NBAS: variants seen among roughly 807,000 people sequenced by gnomAD.
NBAS encodes NAG/BC035112 fusion.
NBAS carries 219 observed loss-of-function variants against 302.5 expected under a neutral mutation model. That is an observed-to-expected ratio of 0.72 (90% confidence interval 0.65 to 0.81). The LOEUF (loss-of-function observed/expected upper bound fraction) is 0.81. Among genes scored for constraint, NBAS ranks in the 30% least tolerant of loss-of-function variants. NBAS has a pLI of 0.00. For missense variants in NBAS, 2,932 were observed against 2,841.6 expected (o/e 1.03, Z -0.72); for synonymous variants, 1,118 against 1,021.6 (o/e 1.09, Z -1.80).
intron 41 of NBAS, among the ~76,000 whole-genome samples, chr2:15,288,808 G>A (rs1021876700): frequency 1.2e-4 from 18 of 152,190 alleles, no homozygotes; most frequent in Non-Finnish European, 1.8e-4. Flanking sequence ...CCCAAGCTAA[G>A]GAAACCATGC....
chr2:14,973,779 TAA>T, the NBAS span, among the ~76,000 whole-genome samples: 1 of 152,224 alleles, frequency 6.6e-6, no homozygotes, highest in Non-Finnish European at 1.5e-5. Context: ...CCTGTTTCTG[TAA>T]AGTTTTTCAG....
At chr2:15,500,792 C>T (rs1164551408) in intron 11 of NBAS, among the ~76,000 whole-genome samples, 4 of 151,486 alleles carry the variant, frequency 2.6e-5, no homozygotes, top group Non-Finnish European at 1.5e-5. Flanking sequence ...GGCGTGGGGG[C>T]GGGTACCTGT....
intron 25 of NBAS, among the ~76,000 whole-genome samples, chr2:15,413,678 C>G (rs141480062): frequency 1.3e-5 from 2 of 152,254 alleles, no homozygotes; most frequent in East Asian, 3.9e-4. Flanking sequence ...AGGAAGCAGA[C>G]AGCAAAGAAC....
the NBAS span, among the ~76,000 whole-genome samples, chr2:14,780,666 T>G: frequency 6.6e-6 from 1 of 152,364 alleles, no homozygotes. Flanking sequence ...ATTCTGTTTT[T>G]GTCTCCCAGA....
At chr2:15,256,110 G>A (rs1572537530) in intron 44 of NBAS, among the ~76,000 whole-genome samples, 1 of 152,130 alleles carries the variant, frequency 6.6e-6, no homozygotes, top group East Asian at 1.9e-4. Context: ...GTATTTTGGT[G>A]GGAATTGTAT....
the NBAS span, among the ~76,000 whole-genome samples, chr2:15,136,600 C>A: frequency 6.6e-6 from 1 of 152,282 alleles, no homozygotes; most frequent in Admixed American, 6.5e-5. Flanking sequence ...GAAGTCCTTA[C>A]CCCCCTGGTG....
Position 15,353,544 on chromosome 2 carries a change from A to C in NBAS, c.4089+9T>G. 6.2e-7 allele frequency: 1 copy of C among 1,613,966 alleles called. No homozygotes were observed. The highest frequency in any genetic ancestry group is 8.5e-7 in the Non-Finnish European group (1 of 1,179,900). On this transcript the variant is annotated intron_variant, in intron 34 of 51. Coordinates refer to ENST00000281513, the MANE Select transcript of NBAS (RefSeq NM_015909.4). Reference sequence around the variant, plus strand: ...TACAGGTTAGGATTTCCTTTATCGAAGGACTTACTTCTGTCTGCAGAGAGC... The same window carrying C: ...TACAGGTTAGGATTTCCTTTATCGACGGACTTACTTCTGTCTGCAGAGAGC...
At chr2:15,032,148 G>C in the NBAS span, among the ~76,000 whole-genome samples, 1 of 152,200 alleles carries the variant, frequency 6.6e-6, no homozygotes, top group Non-Finnish European at 1.5e-5. Context: ...ACTCCACCTT[G>C]CTATGGACTA....
chr2:15,071,197 A>G, the NBAS span, among the ~76,000 whole-genome samples: 22,149 of 152,194 alleles, frequency 0.15, 1,787 homozygotes, highest in East Asian at 0.31. Context: ...GAAACCAGTG[A>G]TTCTCAACAG....
the NBAS span, among the ~76,000 whole-genome samples, chr2:15,070,436 C>T: frequency 6.6e-6 from 1 of 152,144 alleles, no homozygotes; most frequent in Non-Finnish European, 1.5e-5. Context: ...CAGTGAAAAT[C>T]AAAGTAACTG....
At chr2:14,910,840 G>A in the NBAS span, among the ~76,000 whole-genome samples, 3 of 152,286 alleles carry the variant, frequency 2.0e-5, no homozygotes, top group Admixed American at 2.0e-4. Context: ...CATTTGAGAA[G>A]GCAGGCTTTC....
chr2:15,002,596 C>A, the NBAS span, among the ~76,000 whole-genome samples: 2 of 152,212 alleles, frequency 1.3e-5, no homozygotes, highest in Admixed American at 1.3e-4. Context: ...GTGGCACTCA[C>A]TGGGGAGGCT....
chr2:14,965,430 A>C, the NBAS span, among the ~76,000 whole-genome samples: 2 of 152,230 alleles, frequency 1.3e-5, no homozygotes. Context: ...TTATGGTGAA[A>C]TGAACAAAGA....
chr2:14,977,040 C>G, the NBAS span, among the ~76,000 whole-genome samples: 1 of 152,136 alleles, frequency 6.6e-6, no homozygotes, highest in Non-Finnish European at 1.5e-5. Flanking sequence ...AAATCAAACA[C>G]CAAGAGGGTC....
chr2:14,786,979 G>A, the NBAS span, among the ~76,000 whole-genome samples: 4 of 152,144 alleles, frequency 2.6e-5, no homozygotes, highest in African/African-American at 2.4e-5. Context: ...AGGTCACTCA[G>A]GACTTGCTTT....
the NBAS span, among the ~76,000 whole-genome samples, chr2:15,108,089 G>A: frequency 6.6e-6 from 1 of 151,766 alleles, no homozygotes; most frequent in African/African-American, 2.4e-5. Context: ...TTCACCTGTT[G>A]ATGCACTTTG....
At chr2:15,232,360 A>G in intron 47 of NBAS, 62 bp downstream of exon 47, 4 of 1,488,692 alleles carry the variant, frequency 2.7e-6, no homozygotes, top group Non-Finnish European at 3.7e-6. Flanking sequence ...GGATACTAAG[A>G]GCAATTCTAA....
chr2:15,127,677 C>G, the NBAS span, among the ~76,000 whole-genome samples: 1 of 152,212 alleles, frequency 6.6e-6, no homozygotes, highest in Admixed American at 6.5e-5. Flanking sequence ...TAATCACTCA[C>G]GCCTACCCTT....
chr2:15,341,190 A>C (rs369341727), intron 35 of NBAS, among the ~76,000 whole-genome samples: 28 of 152,270 alleles, frequency 1.8e-4, no homozygotes, highest in African/African-American at 6.0e-4. Flanking sequence ...GTTCAAGACT[A>C]ATCTGGCCAA....
Sources: allele counts gnomAD v4.1 joint callset (sites outside exome capture counted in the v4.1 genomes callset), GRCh38; gene constraint gnomAD v4.1.1; transcripts MANE v1.5; gene names NCBI Gene and HGNC (gene_info 2026-07-23, HGNC 2026-07-21).